ANKDD1A: variants seen among roughly 807,000 people sequenced by gnomAD.
ANKDD1A encodes ankyrin repeat and death domain containing 1A.
In ANKDD1A, 59 loss-of-function variants were observed where a neutral mutation model predicts 63.5. That is an observed-to-expected ratio of 0.93 (90% CI 0.75 to 1.15). ANKDD1A has a LOEUF of 1.15. Ranked by LOEUF, ANKDD1A falls within the 50% of genes most tolerant of loss-of-function variation. The pLI, the probability that ANKDD1A is intolerant of heterozygous loss-of-function variation, is 0.00. For missense variants in ANKDD1A, 632 were observed against 656.4 expected, an observed-to-expected ratio of 0.96 and a Z score of 0.41; for synonymous variants, 266 against 263.9, an observed-to-expected ratio of 1.01 and a Z score of -0.08.
rs1595862798 is a variant in ANKDD1A, at chr15:64,957,285, A to ATAAT, written c.*99_*102dup. ...GATGGCCAGGCTGGAAAATTGAAACATAATTTCACAATTATTCCTTTTTCC... is the reference window on the plus strand; with the variant it reads ...GATGGCCAGGCTGGAAAATTGAAACATAATTAATTTCACAATTATTCCTTTTTCC... On this transcript the variant is annotated 3_prime_UTR_variant, in exon 15 of 15. Coordinates refer to ENST00000319580, the MANE Select transcript of ANKDD1A (RefSeq NM_182703.6). The ATAAT allele has an allele frequency of 6.8e-6, 2 of 293,622 alleles. No individual in the cohort carries two copies. The highest frequency in any genetic ancestry group is 1.4e-4 in the East Asian group (1 of 7,370). The allele number at this position is 293,622 out of a possible 1,614,324, so 18.2% of individuals were successfully genotyped here. A position where few individuals can be genotyped will look rare whatever the true frequency, so the allele number is the denominator to read the frequency against.
intron 14 of ANKDD1A, among the ~76,000 whole-genome samples, chr15:64,956,107 A>C (rs1186960580): frequency 4.6e-5 from 7 of 152,260 alleles, no homozygotes; most frequent in African/African-American, 1.4e-4. Flanking sequence ...GTGGAAAAAA[A>C]CCCCAAGATA....
At chr15:64,926,358 C>T (rs2085046277) in intron 5 of ANKDD1A, among the ~76,000 whole-genome samples, 188 bp downstream of exon 5, 1 of 152,112 alleles carries the variant, frequency 6.6e-6, no homozygotes, top group African/African-American at 2.4e-5. Context: ...AAGCAGAACA[C>T]AGTCAGTTGC....
intron 14 of ANKDD1A, chr15:64,950,504 C>G (rs527813338): frequency 1.6e-5 from 16 of 985,380 alleles, no homozygotes; most frequent in Non-Finnish European, 1.9e-5. Context: ...GTACTAATCC[C>G]TCATTAAAAA....
chr15:64,915,866 T>G lies in ANKDD1A; in HGVS notation c.104T>G (p.Ile35Ser), dbSNP rs370256531. The change falls in exon 2 of 15, where the codon ATT becomes AGT. Residue 35 changes from isoleucine to serine, a missense_variant. Ile to Ser is a moderately radical substitution (Grantham distance 142). Transcript: ENST00000319580. ...QNNVGRMQEL[I>S]GRRVNTRARN... ...AATGTCGGCAGGATGCAGGAGCTGA[T>G]TGGGAGGAGGGTTAACACCAGGGCC... The G allele has an allele frequency of 6.2e-7, 1 of 1,613,840 alleles. No individual in the cohort carries two copies. Among genetic ancestry groups the G allele is most frequent in the Non-Finnish European group, 8.5e-7 (1 of 1,179,878 alleles).
chr15:64,946,782 C>T (rs1566914022), intron 12 of ANKDD1A, among the ~76,000 whole-genome samples: 1 of 152,196 alleles, frequency 6.6e-6, no homozygotes, highest in Non-Finnish European at 1.5e-5. Context: ...TTGACCATGA[C>T]ATAAGCTTTG....
At position 64,951,727 on chromosome 15, in the gene ANKDD1A, C is replaced by CTTTCCTT. The variant is rs1437556850; in HGVS notation, c.1483+1757_1483+1758insTCCTTTT. ...CCTTATTTTCTTTTTCTTCCCTTTTCTTCTTTCCTCCTTCTTCCTCTTCTT... is the reference window on the plus strand; with the variant it reads ...CCTTATTTTCTTTTTCTTCCCTTTTCTTTCCTTTTCTTTCCTCCTTCTTCCTCTTCTT... On this transcript the variant is annotated intron_variant, in intron 14 of 14. Coordinates refer to ENST00000319580, the MANE Select transcript of ANKDD1A (RefSeq NM_182703.6). Among the ~76,000 whole-genome samples the CTTTCCTT allele has an allele frequency of 1.0e-4, 14 of 138,018 alleles. 1 individual carries two copies. The highest frequency in any genetic ancestry group is 2.3e-4 in the South Asian group (1 of 4,384). The allele number at this position is 138,018 out of a possible 152,430, so 90.5% of individuals were successfully genotyped here. A position where few individuals can be genotyped will look rare whatever the true frequency, so the allele number is the denominator to read the frequency against.
rs2085285139 is a variant in ANKDD1A at position 64,951,733 on chromosome 15, TCCTCC to T, written c.1483+1762_1483+1766del. ...TTTCTTTTTCTTCCCTTTTCTTCTT[TCCTCC>T]TTCTTCCTCTTCTTCCTTCTTTCCT... On this transcript the variant is annotated intron_variant, in intron 14 of 14. Transcript: ENST00000319580. 5.2e-3 allele frequency among the ~76,000 whole-genome samples: 773 copies of T among 148,542 alleles called. 5 individuals carry two copies. Among genetic ancestry groups the T allele is most frequent in the Non-Finnish European group, 8.9e-3 (597 of 66,822 alleles).
intron 14 of ANKDD1A, among the ~76,000 whole-genome samples, chr15:64,952,618 CCTT>C (rs201638294): frequency 2.1e-3 from 102 of 47,802 alleles, no homozygotes; most frequent in Middle Eastern, 0.043. Context: ...TTCCTCCTCT[CCTT>C]CTTCGTCTTT....
chr15:64,938,661 G>C (rs2085155063), intron 9 of ANKDD1A, among the ~76,000 whole-genome samples: 1 of 152,194 alleles, frequency 6.6e-6, no homozygotes, highest in African/African-American at 2.4e-5. Flanking sequence ...ATATTCGGTA[G>C]AAACTAAGGG....
At chr15:64,935,293 G>A (rs1285395829) in intron 9 of ANKDD1A, among the ~76,000 whole-genome samples, 2 of 151,884 alleles carry the variant, frequency 1.3e-5, no homozygotes, top group Non-Finnish European at 2.9e-5. Flanking sequence ...CACTTTGGGA[G>A]GCCAAGGTGA....
intron 14 of ANKDD1A, among the ~76,000 whole-genome samples, chr15:64,952,670 CCTT>C (rs372191984): frequency 5.9e-4 from 78 of 132,164 alleles, no homozygotes; most frequent in East Asian, 2.7e-3. Context: ...TCCCCTTCTT[CCTT>C]CTTCTTCTTC....
intron 14 of ANKDD1A, among the ~76,000 whole-genome samples, chr15:64,952,894 T>C (rs747283206): frequency 7.8e-5 from 11 of 141,522 alleles, no homozygotes; most frequent in Non-Finnish European, 9.5e-5. Context: ...TCCTTCTTCC[T>C]TCTCCTTCCT....
chr15:64,953,120 TACTTTC>T (rs2085331187), intron 14 of ANKDD1A, among the ~76,000 whole-genome samples: 2 of 141,972 alleles, frequency 1.4e-5, no homozygotes, highest in African/African-American at 5.4e-5. Context: ...TTCCGCTTTC[TACTTTC>T]TTCTTCCTTT....
Position 64,936,016 on chromosome 15 carries a change from T to C in ANKDD1A, c.867+1782T>C, listed in dbSNP as rs1345807466. On this transcript the variant is annotated intron_variant, in intron 9 of 14. Transcript: ENST00000319580. ...AACTGAATAATCCTGGGCAAGCTGC[T>C]TTGACCTATTTGGGCCTGTTTCCTT... 2.6e-5 allele frequency among the ~76,000 whole-genome samples: 4 copies of C among 152,226 alleles called. No individual in the cohort carries two copies. In the East Asian group the frequency reaches 7.7e-4, roughly 29 times the overall value.
chr15:64,932,046 A>T (rs958041899), intron 8 of ANKDD1A: 5 of 174,436 alleles, frequency 2.9e-5, no homozygotes, highest in Middle Eastern at 2.4e-3. Context: ...GGTGTGTGCC[A>T]CTACCCCCGG....
chr15:64,936,886 TA>T (rs1249947422), intron 9 of ANKDD1A, among the ~76,000 whole-genome samples: 1 of 151,982 alleles, frequency 6.6e-6, no homozygotes, highest in Non-Finnish European at 1.5e-5. Context: ...ATTACAAAGT[TA>T]AAAAACAAAC....
chr15:64,924,470 C>T (rs140662068), intron 4 of ANKDD1A, among the ~76,000 whole-genome samples: 1 of 152,236 alleles, frequency 6.6e-6, no homozygotes, highest in Non-Finnish European at 1.5e-5. Context: ...ATAGACCCCA[C>T]TCTTCCTTTC....
chr15:64,952,784 TCTCCTTCTTCTTTTCTTCTCCTTCTC>T (rs1417576911), intron 14 of ANKDD1A, among the ~76,000 whole-genome samples: 6 of 20,622 alleles, frequency 2.9e-4, no homozygotes, highest in African/African-American at 3.9e-4. Context: ...TCTTCTTCCT[TCTCCTTCTTCTTTTCTTCTCCTTCTC>T]CTCCTTCTTC....
chr15:64,947,300 A>C (rs2085230985), intron 12 of ANKDD1A, 104 bp from the exon 13 acceptor site: 1 of 1,193,844 alleles, frequency 8.4e-7, no homozygotes, highest in African/African-American at 1.5e-5. Flanking sequence ...GCTCCCAGGC[A>C]CCCCAGCAGA....
Sources: gnomAD v4.1 joint callset for allele counts (sites outside exome capture counted in the v4.1 genomes callset) on GRCh38, gnomAD v4.1.1 for gene constraint, MANE v1.5 for transcripts, NCBI Gene and HGNC (gene_info 2026-07-23, HGNC 2026-07-21) for gene names.